The following DSP variants were observed in gnomAD, a reference collection of about 807,000 sequenced individuals.
DSP encodes 250/210 kDa paraneoplastic pemphigus antigen.
A neutral mutation model predicts 290.6 loss-of-function variants in DSP; 114 were observed. The observed-to-expected ratio is 0.39, with a 90% CI of 0.34 to 0.46. DSP has a LOEUF of 0.46. Ranked by LOEUF, DSP falls within the 20% of genes least tolerant of loss-of-function variation. The pLI, the probability that DSP is intolerant of heterozygous loss-of-function variation, is 0.99. For synonymous variants in DSP, 1,311 were observed against 1,316.4 expected (o/e 1.00, Z 0.09); for missense variants, 3,230 against 3,495.8 (o/e 0.92, Z 1.92).
rs757309750 is a variant in DSP at position 7,582,652 on chromosome 6, G to C, written c.5390G>C (p.Arg1797Thr). The C allele has an allele frequency of 3.7e-6, 6 of 1,613,298 alleles. No homozygotes were observed. The highest frequency in any genetic ancestry group is 5.1e-6 in the Non-Finnish European group (6 of 1,179,736). The change falls in exon 24 of 24, where the codon AGG becomes ACG. Residue 1797 changes from arginine (R) to threonine (T), a missense_variant. Physicochemically the swap from Arg to Thr is moderately conservative, Grantham distance 71. Transcript: ENST00000379802. The surrounding 1 kb of genome is among the most constrained non-coding windows in gnomAD (Gnocchi z 4.2). ...FQKQALEASNRIQESKNQCTQ... is the reference protein window; with the variant it reads ...FQKQALEASNTIQESKNQCTQ... Reference sequence around the variant, plus strand: ...CTTCTTCAATTCCAGGCATCTAATAGGATTCAGGAATCAAAGAATCAGTGT... The same window carrying C: ...CTTCTTCAATTCCAGGCATCTAATACGATTCAGGAATCAAAGAATCAGTGT...
At position 7,541,712 on chromosome 6, in the gene DSP, C is replaced by T; in HGVS notation, c.-204C>T. On this transcript the variant is annotated 5_prime_UTR_variant, in exon 1 of 24. Transcript: ENST00000379802. The stretch of plus-strand genomic sequence containing the variant: ...GCCCTCCGAGCCACAGCTTTCCTCC[C>T]GCTCCTGCCCCCGGCCCGTCGCCGT... 2 of 619,524 alleles carry T rather than the reference C, an allele frequency of 3.2e-6. No individual in the cohort carries two copies. The highest frequency in any genetic ancestry group is 6.5e-5 in the Admixed American group (2 of 30,750). The allele number at this position is 619,524 out of a possible 1,614,324, so 38.4% of individuals were successfully genotyped here.
intron 1 of DSP, among the ~76,000 whole-genome samples, chr6:7,542,733 G>C (rs1758039874): frequency 6.6e-6 from 1 of 152,230 alleles, no homozygotes; most frequent in African/African-American, 2.4e-5. Flanking sequence ...CGGCTGCCGG[G>C]CCCGGGTCTC....
At position 7,565,357 on chromosome 6, in the gene DSP, A is replaced by G. The variant is rs113726158; in HGVS notation, c.778-2A>G. On this transcript the variant is annotated splice_acceptor_variant, in intron 6 of 23. Coordinates refer to ENST00000379802, the MANE Select transcript of DSP (RefSeq NM_004415.4). LOFTEE classifies it high-confidence loss of function. This position sits in a 1 kb window ranked among gnomAD's most constrained non-coding sequence, Gnocchi z 4.2. Reference sequence around the variant, plus strand: ...AATGCTGCCTTTGAACCTCCTGTGCAGAAAGCGTCCTTTGAGAGGATGGAT... The same window carrying G: ...AATGCTGCCTTTGAACCTCCTGTGCGGAAAGCGTCCTTTGAGAGGATGGAT... 6.2e-7 allele frequency: 1 copy of G among 1,614,072 alleles called. No individual in the cohort carries two copies. The highest frequency in any genetic ancestry group is 8.5e-7 in the Non-Finnish European group (1 of 1,179,994).
At chr6:7,558,071 T>C in intron 2 of DSP, 45 bp from the exon 3 acceptor site, 5 of 1,613,264 alleles carry the variant, frequency 3.1e-6, no homozygotes, top group Non-Finnish European at 4.2e-6. Context: ...GAAGGTTTTC[T>C]TCCTGGTAGT....
Position 7,585,772 on chromosome 6 carries a change from C to T in DSP, c.8510C>T (p.Ser2837Phe). The T allele has an allele frequency of 6.2e-7, 1 of 1,609,782 alleles. No homozygotes were observed. Residue 2837 changes from serine (S) to phenylalanine (F), a missense_variant, in exon 24 of 24, where the codon TCT (serine) becomes TTT (phenylalanine). Ser to Phe is a radical substitution (Grantham distance 155, BLOSUM62 -2). This residue lies in a region of DSP where 582 missense variants were observed against 555.4 expected (regional missense o/e 1.05). Coordinates refer to ENST00000379802, the MANE Select transcript of DSP (RefSeq NM_004415.4). Reference protein sequence around the residue: ...SGSRSGSRSGSRSGSRSGSRR... With the variant: ...SGSRSGSRSGFRSGSRSGSRR... ...TCCCGCTCGGGATCTCGCTCCGGAT[C>T]TCGCTCCGGGTCCCGCAGTGGGTCC...
In DSP at chr6:7,583,554, G is replaced by A. The variant is rs1759524099; in HGVS notation, c.6292G>A (p.Asp2098Asn). ...AGAAAAAGCTATCACTGGTTTTGAT[G>A]ATCCATTTTCAGGCAAGACAGTATC... ...AAEKAITGFD[D>N]PFSGKTVSVS... The change falls in exon 24 of 24, where the codon GAT becomes AAT. Residue 2098 changes from aspartate (D) to asparagine (N), a missense_variant. Asp to Asn is a conservative substitution (Grantham distance 23). Coordinates refer to ENST00000379802, the MANE Select transcript of DSP (RefSeq NM_004415.4). This position sits in a 1 kb window ranked among gnomAD's most constrained non-coding sequence, Gnocchi z 4.0. 2 of 1,614,134 alleles carry A rather than the reference G, an allele frequency of 1.2e-6. No homozygotes were observed. The highest frequency in any genetic ancestry group is 4.5e-5 in the East Asian group (2 of 44,874).
chr6:7,579,496 C>T lies in DSP; in HGVS notation c.3306C>T (p.Gly1102=), dbSNP rs1759348311. 1.2e-6 allele frequency: 2 copies of T among 1,613,814 alleles called. No individual in the cohort carries two copies. The highest frequency in any genetic ancestry group is 1.7e-6 in the Non-Finnish European group (2 of 1,180,000). ...SAKQNLDKCY[G]QIKELNEKIT... ...AGCAAAATCTAGACAAGTGCTACGG[C>T]CAAATAAAAGAACTCAATGAGAAGA... is the stretch of plus-strand genomic sequence containing the variant. The change falls in exon 23 of 24, where the codon GGC becomes GGT. Residue 1102 remains glycine, a synonymous_variant. Transcript: ENST00000379802. This position sits in a 1 kb window ranked among gnomAD's most constrained non-coding sequence, Gnocchi z 4.1.
chr6:7,572,917 T>G (rs1759099005), intron 15 of DSP, among the ~76,000 whole-genome samples: 1 of 152,204 alleles, frequency 6.6e-6, no homozygotes, highest in Non-Finnish European at 1.5e-5. Flanking sequence ...CAATGGTAAG[T>G]GTGTATCTAA....
intron 5 of DSP, among the ~76,000 whole-genome samples, chr6:7,563,028 A>G (rs2113665767): frequency 6.6e-6 from 1 of 152,368 alleles, no homozygotes. Context: ...CAGTTTGTGA[A>G]TAAGTCTCTT....
Position 7,542,278 on chromosome 6 carries a change from TC to T in DSP, c.170+195del, listed in dbSNP as rs66534451. ...GCGTGCGGGGACAGGTTGGCCCCTG[TC>T]CTGCGAACAGGGACTCGGTCGTACC... On this transcript the variant is annotated intron_variant, in intron 1 of 23. Transcript: ENST00000379802. Among the ~76,000 whole-genome samples, 33,767 of 151,900 alleles carry T rather than the reference TC, an allele frequency of 0.22. 3,846 individuals carry two copies. The highest frequency in any genetic ancestry group is 0.29 in the East Asian group (1,484 of 5,096).
rs368981849 is a variant in DSP, at chr6:7,576,961, C to T, written c.2796C>T (p.Asn932=). The T allele has an allele frequency of 4.3e-5, 70 of 1,612,780 alleles. No homozygotes were observed. Among genetic ancestry groups the T allele is most frequent in the Non-Finnish European group, 5.3e-5 (62 of 1,179,326 alleles). Residue 932 remains asparagine, a splice_region_variant and synonymous_variant, in exon 20 of 24, where the codon AAC becomes AAT. Transcript: ENST00000379802. ...TVMRFLNEQK[N]LHSEISGKRD... ...TAAATATTTCACTTTTTGTATAGAA[C>T]TTGCACAGTGAAATATCTGGCAAAC...
intron 1 of DSP, among the ~76,000 whole-genome samples, chr6:7,543,122 G>A (rs1758062594): frequency 6.6e-6 from 1 of 152,178 alleles, no homozygotes; most frequent in South Asian, 2.1e-4. Flanking sequence ...GACTCTAGAT[G>A]CCCACGTGAG....
At chr6:7,577,634 A>T (rs1439435348) in intron 20 of DSP, 145 bp from the exon 21 acceptor site, 3 of 748,620 alleles carry the variant, frequency 4.0e-6, no homozygotes, top group Non-Finnish European at 7.2e-6. Context: ...ATGTAGTATT[A>T]GTTGCTTGGC....
chr6:7,577,018 T>C lies in DSP; in HGVS notation c.2853T>C (p.Ala951=). 1.2e-6 allele frequency: 2 copies of C among 1,612,798 alleles called. No homozygotes were observed. The highest frequency in any genetic ancestry group is 1.7e-6 in the Non-Finnish European group (2 of 1,179,382). ...AATCAGAGGAAGTACAAAAAATTGCTGAACTTTGCGCCAATTCAATTAAGG... is the reference window on the plus strand; with the variant it reads ...AATCAGAGGAAGTACAAAAAATTGCCGAACTTTGCGCCAATTCAATTAAGG... ...RDKSEEVQKI[A]ELCANSIKDY... is the part of the protein sequence containing the mutation. The change falls in exon 20 of 24, where the codon GCT becomes GCC. Residue 951 remains alanine (A), a synonymous_variant. Coordinates refer to ENST00000379802, the MANE Select transcript of DSP (RefSeq NM_004415.4).
intron 11 of DSP, 109 bp from the exon 12 acceptor site, chr6:7,569,077 A>C (rs1758951289): frequency 2.0e-6 from 3 of 1,483,346 alleles, no homozygotes; most frequent in South Asian, 2.4e-5. Flanking sequence ...GGAAAAACGT[A>C]AAAGCTTTAA....
rs1758842362 is a variant in DSP, at chr6:7,565,695, A to G, written c.939+175A>G. The stretch of plus-strand genomic sequence containing the variant: ...CTGAAAACTTCTCCGTGTGGAGGCC[A>G]TTATCCTTAGCAAACTTATGCGGGA... On this transcript the variant is annotated intron_variant, in intron 7 of 23. Coordinates refer to ENST00000379802, the MANE Select transcript of DSP (RefSeq NM_004415.4). The surrounding 1 kb of genome is among the most constrained non-coding windows in gnomAD (Gnocchi z 4.2). 1.2e-6 allele frequency: 1 copy of G among 801,524 alleles called. No homozygotes were observed. Among genetic ancestry groups the G allele is most frequent in the Non-Finnish European group, 2.0e-6 (1 of 504,912 alleles). The allele number at this position is 801,524 out of a possible 1,614,324, so 49.7% of individuals were successfully genotyped here. A position where few individuals can be genotyped will look rare whatever the true frequency, so the allele number is the denominator to read the frequency against.
intron 4 of DSP, 22 bp downstream of exon 4, chr6:7,559,422 C>T: frequency 6.2e-7 from 1 of 1,611,966 alleles, no homozygotes; most frequent in Non-Finnish European, 8.5e-7. Context: ...CTTGAACAGC[C>T]CAAACCTGTG....
intron 1 of DSP, among the ~76,000 whole-genome samples, chr6:7,544,988 A>T (rs1442470505): frequency 6.6e-6 from 1 of 152,212 alleles, no homozygotes; most frequent in Non-Finnish European, 1.5e-5. Context: ...CAGCAGAATT[A>T]CTCTAGTCTT....
rs1057522191 is a variant in DSP at position 7,579,841 on chromosome 6, G to A, written c.3651G>A (p.Thr1217=). The A allele has an allele frequency of 5.6e-6, 9 of 1,614,026 alleles. No individual in the cohort carries two copies. The highest frequency in any genetic ancestry group is 1.7e-5 in the Admixed American group (1 of 60,014). Residue 1217 remains threonine, a synonymous_variant, in exon 23 of 24, where the codon ACG becomes ACA. Transcript: ENST00000379802. The surrounding 1 kb of genome is among the most constrained non-coding windows in gnomAD (Gnocchi z 4.1). ...AGTATGAAACAGAGATTAACATTAC[G>A]AAGACCACCATCAAGGAGATATCCA... ...RNKYETEINI[T]KTTIKEISMQ...
Sources: gnomAD v4.1 joint callset for allele counts (sites outside exome capture counted in the v4.1 genomes callset) on GRCh38, gnomAD v4.1.1 for gene constraint, gnomAD v4.1.1 regional missense constraint, Gnocchi (gnomAD v3.1) non-coding constraint, MANE v1.5 for transcripts, NCBI Gene and HGNC (gene_info 2026-07-23, HGNC 2026-07-21) for gene names.